NCKAP5: variants seen among roughly 807,000 people sequenced by gnomAD.
NCKAP5 encodes the protein nck-associated protein 5.
Under a neutral mutation model 167.0 loss-of-function variants are expected in NCKAP5, and 92 were observed. The ratio of observed to expected loss-of-function variants is 0.55; its 90% CI spans 0.47 to 0.66. The LOEUF is 0.66. NCKAP5 is among the 30% of genes least tolerant of loss of function. The pLI is 0.00. For synonymous variants in NCKAP5, 891 were observed against 877.4 expected (o/e 1.02, Z -0.27); for missense variants, 2,378 against 2,315.0 (o/e 1.03, Z -0.56).
At chr2:133,004,389 C>T (rs770326114) in intron 6 of NCKAP5, among the ~76,000 whole-genome samples, 5 of 151,928 alleles carry the variant, frequency 3.3e-5, no homozygotes, top group Admixed American at 1.3e-4. Context: ...AAGTGTTGGC[C>T]GCTCTGAGAA....
intron 6 of NCKAP5, among the ~76,000 whole-genome samples, chr2:133,100,552 C>T (rs1194538587): frequency 6.6e-6 from 1 of 152,108 alleles, no homozygotes; most frequent in Non-Finnish European, 1.5e-5. Flanking sequence ...TCCATTGCCT[C>T]TCACCACACT....
chr2:132,958,730 C>G (rs2076414652), intron 8 of NCKAP5, among the ~76,000 whole-genome samples: 3 of 152,256 alleles, frequency 2.0e-5, no homozygotes, highest in Non-Finnish European at 2.9e-5. Context: ...CCTCCTCTTG[C>G]AATGTTCTTC....
At chr2:133,230,736 C>T (rs975865805) in intron 4 of NCKAP5, among the ~76,000 whole-genome samples, 12 of 152,136 alleles carry the variant, frequency 7.9e-5, no homozygotes, top group Admixed American at 4.6e-4. Flanking sequence ...TCCCATTTTC[C>T]TCTTTTCCCT....
At chr2:132,737,441 A>C (rs1305042709) in intron 16 of NCKAP5, among the ~76,000 whole-genome samples, 4 of 152,198 alleles carry the variant, frequency 2.6e-5, no homozygotes, top group African/African-American at 4.8e-5. Flanking sequence ...ACCAGACTTC[A>C]GTAAAGAGGA....
intron 8 of NCKAP5, among the ~76,000 whole-genome samples, chr2:132,918,172 A>G (rs527666063): frequency 6.6e-5 from 10 of 152,278 alleles, no homozygotes; most frequent in African/African-American, 2.2e-4. Context: ...TATAAATCAG[A>G]TTCCTTTAAT....
intron 5 of NCKAP5, among the ~76,000 whole-genome samples, chr2:133,169,850 G>A (rs1044746776): frequency 1.3e-5 from 2 of 152,174 alleles, no homozygotes; most frequent in African/African-American, 4.8e-5. Flanking sequence ...CTCTGATGTG[G>A]CTGCCAAGGT....
At chr2:133,251,644 G>A (rs979833050) in intron 4 of NCKAP5, among the ~76,000 whole-genome samples, 1 of 152,174 alleles carries the variant, frequency 6.6e-6, no homozygotes, top group Admixed American at 6.5e-5. Context: ...TGCAATAATA[G>A]TTCTTATTTA....
Position 132,868,052 on chromosome 2 carries a change from G to A in NCKAP5, c.687+884C>T, listed in dbSNP as rs565088028. On this transcript the variant is annotated intron_variant, in intron 10 of 19. Coordinates refer to ENST00000409261, the MANE Select transcript of NCKAP5 (RefSeq NM_207363.3). ...TATTTAAGTATCTCCATGAGCAGCAGTCAACCCCTAATAAAATTATTTTCA... is the reference window on the plus strand; with the variant it reads ...TATTTAAGTATCTCCATGAGCAGCAATCAACCCCTAATAAAATTATTTTCA... Among the ~76,000 whole-genome samples the A allele has an allele frequency of 3.3e-5, 5 of 152,204 alleles. No individual in the cohort carries two copies. The East Asian group carries it at 9.6e-4, about 29-fold the overall frequency.
At chr2:133,055,352 C>A (rs1455109251) in intron 6 of NCKAP5, among the ~76,000 whole-genome samples, 1 of 151,896 alleles carries the variant, frequency 6.6e-6, no homozygotes, top group Admixed American at 6.6e-5. Flanking sequence ...AGAGTGAGTT[C>A]TAGTTTTAAA....
intron 13 of NCKAP5, among the ~76,000 whole-genome samples, chr2:132,787,866 T>C (rs556244674): frequency 2.0e-5 from 3 of 152,296 alleles, no homozygotes; most frequent in East Asian, 3.9e-4. Flanking sequence ...CAAGCCAAAG[T>C]ACCCCACAAG....
intron 7 of NCKAP5, among the ~76,000 whole-genome samples, chr2:132,965,677 T>C (rs1177421896): frequency 6.6e-6 from 1 of 151,964 alleles, no homozygotes; most frequent in Non-Finnish European, 1.5e-5. Flanking sequence ...CATCATAGAG[T>C]GTATTTACAC....
rs191160790 is a variant in NCKAP5, at chr2:133,520,123, G to A, written c.-61-2536C>T. Among the ~76,000 whole-genome samples the A allele has an allele frequency of 2.0e-3, 308 of 152,282 alleles. 2 individuals carry two copies. Among genetic ancestry groups the A allele is most frequent in the Non-Finnish European group, 1.8e-3 (124 of 68,020 alleles). ...GGAGAATTGCTTGAACCTAGGAGGC[G>A]GAGGTTGCGGTGAGCCAAGATCGCG... On this transcript the variant is annotated intron_variant, in intron 2 of 19. Transcript: ENST00000409261.
chr2:133,165,401 T>C (rs1399689995), intron 5 of NCKAP5, among the ~76,000 whole-genome samples: 1 of 152,142 alleles, frequency 6.6e-6, no homozygotes, highest in African/African-American at 2.4e-5. Flanking sequence ...AAGAAAATCT[T>C]TTAAAAGTCA....
At chr2:133,433,485 A>T (rs1232353851) in intron 3 of NCKAP5, 1 of 152,214 alleles carries the variant, frequency 6.6e-6, no homozygotes, top group Non-Finnish European at 1.5e-5. Context: ...CCTCTTAGAT[A>T]GATTACTTAC....
intron 5 of NCKAP5, among the ~76,000 whole-genome samples, chr2:133,189,560 T>A (rs997992430): frequency 1.3e-5 from 2 of 152,020 alleles, no homozygotes. Flanking sequence ...ACCAAATCCA[T>A]CAGCACATCA....
chr2:133,214,603 A>G (rs1299019493), intron 4 of NCKAP5, among the ~76,000 whole-genome samples: 1 of 152,188 alleles, frequency 6.6e-6, no homozygotes, highest in Non-Finnish European at 1.5e-5. Context: ...TTTTTAGAAT[A>G]CTTTTGTAAA....
chr2:133,262,833 A>T (rs1407824058), intron 4 of NCKAP5, among the ~76,000 whole-genome samples: 1 of 152,196 alleles, frequency 6.6e-6, no homozygotes, highest in Non-Finnish European at 1.5e-5. Context: ...TTCTCCAAAA[A>T]TGCCCCTTGG....
At chr2:133,107,580 T>C (rs1468457045) in intron 6 of NCKAP5, among the ~76,000 whole-genome samples, 4 of 152,174 alleles carry the variant, frequency 2.6e-5, no homozygotes, top group African/African-American at 4.8e-5. Flanking sequence ...GAAAATGCCC[T>C]TGAATAACCT....
intron 4 of NCKAP5, among the ~76,000 whole-genome samples, chr2:133,250,471 T>C (rs933470316): frequency 1.3e-5 from 2 of 152,098 alleles, no homozygotes; most frequent in Admixed American, 1.3e-4. Context: ...TTAGGGCACG[T>C]AAGACAGCAT....
Sources: gnomAD v4.1 joint callset for allele counts (sites outside exome capture counted in the v4.1 genomes callset) on GRCh38, gnomAD v4.1.1 for gene constraint, MANE v1.5 for transcripts, NCBI Gene and HGNC (gene_info 2026-07-23, HGNC 2026-07-21) for gene names.